Variants in XIRP2 observed in about 807,000 individuals in gnomAD.
XIRP2 encodes the protein xin actin binding repeat containing 2.
XIRP2 carries 236 observed loss-of-function variants against 277.0 expected under a neutral mutation model. The ratio of observed to expected loss-of-function variants is 0.85; its 90% CI spans 0.77 to 0.95. The LOEUF is 0.95. Among genes scored for constraint, XIRP2 ranks in the 40% least tolerant of loss-of-function variants. XIRP2 has a pLI of 0.00. For synonymous variants in XIRP2, 1,490 were observed against 1,416.5 expected (o/e 1.05, Z -1.17); for missense variants, 4,640 against 4,157.5 (o/e 1.12, Z -3.19).
At chr2:167,057,484 T>C (rs190161351) in intron 2 of XIRP2, among the ~76,000 whole-genome samples, 1 of 152,280 alleles carries the variant, frequency 6.6e-6, no homozygotes, top group South Asian at 2.1e-4. Flanking sequence ...CCGGAAACAC[T>C]TGGGTTACAC....
At chr2:167,256,415 C>T (rs1695658285) in intron 10 of XIRP2, among the ~76,000 whole-genome samples, 1 of 151,436 alleles carries the variant, frequency 6.6e-6, no homozygotes, top group South Asian at 2.1e-4. Context: ...AGTTTTGTTG[C>T]TGATATTTTT....
At chr2:167,065,501 A>G (rs1256427980) in intron 2 of XIRP2, among the ~76,000 whole-genome samples, 1 of 150,798 alleles carries the variant, frequency 6.6e-6, no homozygotes, top group East Asian at 1.9e-4. Context: ...TGAAACACAA[A>G]CTTTTTTTTT....
In XIRP2 at chr2:167,006,644, T is replaced by C. The variant is rs529288689; in HGVS notation, c.408+102754T>C. ...GATTATTTATAGCCAGAGAAGAACA[T>C]GTAAAATCCTTGGGGAGCAAAGTAG... On this transcript the variant is annotated intron_variant, in intron 2 of 10. Transcript: ENST00000409195. Among the ~76,000 whole-genome samples, 110 of 151,806 alleles carry C rather than the reference T, an allele frequency of 7.2e-4. 4 individuals carry two copies. In the South Asian group the frequency reaches 0.022, roughly 31 times the overall value.
chr2:167,250,181 T>C lies in XIRP2; in HGVS notation c.8789T>C (p.Val2930Ala). ...ITQNKSFFSS[V>A]KESQRDDGKG... is the part of the protein sequence containing the mutation. ...CAGAACAAATCTTTCTTTTCCTCTG[T>C]GAAAGAATCCCAGCGGGATGATGGA... Residue 2930 changes from valine to alanine, a missense_variant, in exon 9 of 11, where the codon GTG becomes GCG. Physicochemically the swap from Val to Ala is moderately conservative, Grantham distance 64. Coordinates refer to ENST00000409195, the MANE Select transcript of XIRP2 (RefSeq NM_152381.6). 6.2e-7 allele frequency: 1 copy of C among 1,613,478 alleles called. No individual in the cohort carries two copies. Among genetic ancestry groups the C allele is most frequent in the Non-Finnish European group, 8.5e-7 (1 of 1,179,668 alleles).
At chr2:166,999,415 GAAAAAT>G (rs200850958) in intron 2 of XIRP2, among the ~76,000 whole-genome samples, 1 of 148,452 alleles carries the variant, frequency 6.7e-6, no homozygotes, top group East Asian at 2.0e-4. Flanking sequence ...AAAGGAAAAG[GAAAAAT>G]AAAAAAGAGC....
Position 167,258,963 on chromosome 2 carries a change from T to C in XIRP2, c.*1146T>C, listed in dbSNP as rs769164412. The C allele has an allele frequency of 4.2e-5, 67 of 1,612,518 alleles. No individual in the cohort carries two copies. Among genetic ancestry groups the C allele is most frequent in the Non-Finnish European group, 5.4e-5 (64 of 1,179,362 alleles). ...AAACCAAGCCTCAGCAGAGGCCTTATGGTAAAGGGGGGAAGTTCAATCATC... is the reference window on the plus strand; with the variant it reads ...AAACCAAGCCTCAGCAGAGGCCTTACGGTAAAGGGGGGAAGTTCAATCATC... On this transcript the variant is annotated 3_prime_UTR_variant, in exon 11 of 11. Coordinates refer to ENST00000409195, the MANE Select transcript of XIRP2 (RefSeq NM_152381.6).
chr2:167,249,073 C>T lies in XIRP2; in HGVS notation c.7681C>T (p.Gln2561Ter), dbSNP rs1695382679. 1.9e-6 allele frequency: 3 copies of T among 1,612,504 alleles called. No homozygotes were observed. Among genetic ancestry groups the T allele is most frequent in the Admixed American group, 3.3e-5 (2 of 59,708 alleles). ...ACAACAAAAAGAAGAAATTGAAAAA[C>T]AGAAACAGGAGAGTTCTTACTACAA... ...YRQQKEEIEK[Q>*]KQESSYYNIV... is the part of the protein sequence containing the mutation. Residue 2561 changes from glutamine to a stop codon, truncating the protein, a stop_gained, in exon 9 of 11, where the codon CAG (glutamine) becomes TAG (stop). Coordinates refer to ENST00000409195, the MANE Select transcript of XIRP2 (RefSeq NM_152381.6). LOFTEE classifies it high-confidence loss of function.
chr2:167,105,758 A>G (rs1249623187), intron 2 of XIRP2, among the ~76,000 whole-genome samples: 1 of 151,838 alleles, frequency 6.6e-6, no homozygotes, highest in Non-Finnish European at 1.5e-5. Context: ...GAGTACATGT[A>G]CCATTTTACA....
chr2:167,178,257 A>G (rs191118683), intron 3 of XIRP2, among the ~76,000 whole-genome samples: 119 of 152,252 alleles, frequency 7.8e-4, no homozygotes, highest in Non-Finnish European at 1.3e-3. Context: ...TTTTTTAGAG[A>G]AGATGTTTTA....
At chr2:167,184,498 C>T in intron 3 of XIRP2, 1 of 706,294 alleles carries the variant, frequency 1.4e-6, no homozygotes, top group Non-Finnish European at 2.6e-6. Flanking sequence ...TGCTCCAGTC[C>T]CATGGAATTG....
chr2:166,979,404 C>T (rs73970203), intron 2 of XIRP2, among the ~76,000 whole-genome samples: 3,683 of 141,612 alleles, frequency 0.026, 182 homozygotes, highest in African/African-American at 0.091. Context: ...GTAGCTAAGG[C>T]CTCAAGTATA....
intron 2 of XIRP2, among the ~76,000 whole-genome samples, chr2:167,121,583 A>C (rs1471810185): frequency 6.6e-6 from 1 of 152,168 alleles, no homozygotes; most frequent in African/African-American, 2.4e-5. Flanking sequence ...TTTTAATAGA[A>C]GTTTTCTTTT....
Position 167,248,570 on chromosome 2 carries a change from T to C in XIRP2, c.7178T>C (p.Met2393Thr), listed in dbSNP as rs752750299. 11 of 1,613,752 alleles carry C rather than the reference T, an allele frequency of 6.8e-6. No individual in the cohort carries two copies. Among genetic ancestry groups the C allele is most frequent in the Non-Finnish European group, 9.3e-6 (11 of 1,179,812 alleles). The change falls in exon 9 of 11, where the codon ATG (methionine) becomes ACG (threonine). Residue 2393 changes from methionine to threonine, a missense_variant. Physicochemically the swap from Met to Thr is moderately conservative, Grantham distance 81 (BLOSUM62 -1). Transcript: ENST00000409195. ...SAPEKHSGDF[M>T]QQYSQKEASN... Reference sequence around the variant, plus strand: ...CCGGAAAAGCACAGTGGAGACTTCATGCAACAATATTCCCAAAAAGAAGCC... The same window carrying C: ...CCGGAAAAGCACAGTGGAGACTTCACGCAACAATATTCCCAAAAAGAAGCC...
rs922199056 is a variant in XIRP2, at chr2:167,244,736, G to A, written c.3344G>A (p.Ser1115Asn). ...SLYEKVSLMT[S>N]SEEIHKGDVK... ...TATGAAAAAGTTTCGTTAATGACCA[G>A]CAGTGAAGAAATTCATAAGGGAGAT... The change falls in exon 9 of 11, where the codon AGC (serine) becomes AAC (asparagine). Residue 1115 changes from serine (S) to asparagine (N), a missense_variant. Physicochemically the swap from Ser to Asn is conservative, Grantham distance 46. Transcript: ENST00000409195. The A allele has an allele frequency of 5.6e-6, 9 of 1,613,150 alleles. No individual in the cohort carries two copies. In the South Asian group the frequency reaches 7.7e-5, roughly 14 times the overall value.
chr2:167,122,969 G>C (rs1482276970), intron 2 of XIRP2, among the ~76,000 whole-genome samples: 1 of 152,098 alleles, frequency 6.6e-6, no homozygotes, highest in Non-Finnish European at 1.5e-5. Context: ...GATAGGGCTT[G>C]CATTTGTTTC....
At chr2:167,148,628 T>C (rs1263573858) in intron 3 of XIRP2, among the ~76,000 whole-genome samples, 1 of 151,934 alleles carries the variant, frequency 6.6e-6, no homozygotes, top group Non-Finnish European at 1.5e-5. Context: ...ATGTCCCAAC[T>C]CTTCAGTGGA....
At chr2:167,176,895 G>C (rs562677185) in intron 3 of XIRP2, among the ~76,000 whole-genome samples, 125 of 152,158 alleles carry the variant, frequency 8.2e-4, no homozygotes, top group Non-Finnish European at 1.5e-3. Flanking sequence ...CACCTGTGTT[G>C]GGGAGGGATG....
At chr2:167,054,462 T>C (rs1039951440) in intron 2 of XIRP2, among the ~76,000 whole-genome samples, 19 of 152,114 alleles carry the variant, frequency 1.2e-4, no homozygotes, top group African/African-American at 4.3e-4. Flanking sequence ...GGCCAGTGGA[T>C]CACTTGAGGT....
At chr2:167,077,518 A>G (rs1574230348) in intron 2 of XIRP2, among the ~76,000 whole-genome samples, 1 of 152,298 alleles carries the variant, frequency 6.6e-6, no homozygotes, top group South Asian at 2.1e-4. Flanking sequence ...TAAATTCTAT[A>G]AAGAAAGAAT....
Sources: gnomAD v4.1 joint callset for allele counts (sites outside exome capture counted in the v4.1 genomes callset) on GRCh38, gnomAD v4.1.1 for gene constraint, MANE v1.5 for transcripts, NCBI Gene and HGNC (gene_info 2026-07-23, HGNC 2026-07-21) for gene names.